Variants in BBOX1 observed in about 807,000 individuals in gnomAD.
The protein encoded by BBOX1 is gamma-butyrobetaine dioxygenase.
BBOX1 carries 35 observed loss-of-function variants against 41.6 expected under a neutral mutation model. That is an observed-to-expected ratio of 0.84 (90% CI 0.64 to 1.11). The LOEUF is 1.11. Among genes scored for constraint, BBOX1 ranks in the 50% most tolerant of loss-of-function variants. The pLI is 0.00. For synonymous variants in BBOX1, 163 were observed against 154.7 expected (o/e 1.05, Z -0.40); for missense variants, 458 against 460.6 (o/e 0.99, Z 0.05).
chr11:27,126,833 C>T lies in BBOX1; in HGVS notation c.1004-460C>T, dbSNP rs551879416. On this transcript the variant is annotated intron_variant, in intron 8 of 8. Transcript: ENST00000263182. ...TGGGACTACAGGCACTGCCACCACG[C>T]CTGGCTAATTTTTTCTATTTTTAGT... Among the ~76,000 whole-genome samples the T allele has an allele frequency of 4.0e-4, 61 of 152,072 alleles. No individual in the cohort carries two copies. The South Asian group carries it at 0.012, about 31-fold the overall frequency.
chr11:27,049,719 A>T lies in BBOX1; in HGVS notation c.-38-5674A>T, dbSNP rs561506522. Among the ~76,000 whole-genome samples, 5 of 152,314 alleles carry T rather than the reference A, an allele frequency of 3.3e-5. No individual in the cohort carries two copies. The East Asian group carries it at 9.6e-4, about 29-fold the overall frequency. ...TTAGCATACAGAATGATATAGGATG[A>T]TTGCTTCACTTACTTGATTAAAATA... is the stretch of plus-strand genomic sequence containing the variant. On this transcript the variant is annotated intron_variant, in intron 2 of 8. Transcript: ENST00000263182.
intron 7 of BBOX1, among the ~76,000 whole-genome samples, chr11:27,121,518 G>T (rs1050718765): frequency 3.9e-5 from 6 of 152,162 alleles, no homozygotes; most frequent in Non-Finnish European, 4.4e-5. Context: ...GCTAGCAATG[G>T]TGGTGCCTTG....
At chr11:27,103,331 C>T (rs898789949) in intron 5 of BBOX1, among the ~76,000 whole-genome samples, 1 of 152,196 alleles carries the variant, frequency 6.6e-6, no homozygotes, top group Middle Eastern at 3.4e-3. Flanking sequence ...TAGGGAACAG[C>T]TTTAAATTTT....
chr11:27,099,162 C>G (rs1175875026), intron 5 of BBOX1, among the ~76,000 whole-genome samples: 1 of 151,848 alleles, frequency 6.6e-6, no homozygotes, highest in African/African-American at 2.4e-5. Context: ...CTCAGAGTGA[C>G]TCTTCTTCCC....
chr11:27,057,134 A>T, intron 3 of BBOX1, 67 bp from the exon 4 acceptor site: 1 of 1,027,842 alleles, frequency 9.7e-7, no homozygotes, highest in Non-Finnish European at 1.4e-6. Flanking sequence ...CAGCATTCAA[A>T]AACAGAGCAA....
At chr11:27,097,968 C>T (rs1270901842) in intron 5 of BBOX1, among the ~76,000 whole-genome samples, 2 of 151,994 alleles carry the variant, frequency 1.3e-5, no homozygotes, top group Admixed American at 6.6e-5. Context: ...CTATGACATG[C>T]CATTCTTCCC....
chr11:27,094,501 T>C (rs2134046444), intron 5 of BBOX1, among the ~76,000 whole-genome samples: 1 of 152,118 alleles, frequency 6.6e-6, no homozygotes, highest in East Asian at 1.9e-4. Flanking sequence ...ACCTGACTTT[T>C]CTTGAAAAAT....
chr11:27,086,811 C>T (rs1024517132), intron 4 of BBOX1, among the ~76,000 whole-genome samples: 4 of 151,996 alleles, frequency 2.6e-5, no homozygotes, highest in East Asian at 1.9e-4. Flanking sequence ...CTATTATGAA[C>T]GTTTTTGATT....
rs368869799 is a variant in BBOX1, at chr11:27,073,096, G to T, written c.334+15781G>T. ...AATTAAACTAAAGAGCTTCTGCACA[G>T]CAAAAGAAACTACCATCAGAGTGAA... On this transcript the variant is annotated intron_variant, in intron 4 of 8. Coordinates refer to ENST00000263182, the MANE Select transcript of BBOX1 (RefSeq NM_003986.3). Among the ~76,000 whole-genome samples the T allele has an allele frequency of 2.2e-4, 33 of 152,222 alleles. No individual in the cohort carries two copies. The East Asian group carries it at 6.0e-3, about 28-fold the overall frequency.
At chr11:27,088,655 C>T (rs1407624838) in intron 4 of BBOX1, among the ~76,000 whole-genome samples, 2 of 151,924 alleles carry the variant, frequency 1.3e-5, no homozygotes, top group African/African-American at 4.8e-5. Flanking sequence ...TATTCAGACA[C>T]AGGACATAAA....
intron 5 of BBOX1, among the ~76,000 whole-genome samples, chr11:27,114,193 CA>C (rs1029216557): frequency 1.3e-5 from 2 of 151,828 alleles, no homozygotes; most frequent in East Asian, 1.9e-4. Context: ...AATTTAATCA[CA>C]GGGGTAAAAG....
chr11:27,114,292 T>A (rs541849787), intron 5 of BBOX1, among the ~76,000 whole-genome samples: 3 of 151,906 alleles, frequency 2.0e-5, no homozygotes, highest in African/African-American at 7.2e-5. Flanking sequence ...TATTCGTGGA[T>A]TGGAAGGCAT....
At chr11:27,079,157 G>A (rs1285562684) in intron 4 of BBOX1, among the ~76,000 whole-genome samples, 7 of 152,168 alleles carry the variant, frequency 4.6e-5, no homozygotes, top group Admixed American at 4.6e-4. Context: ...GCACATGAGA[G>A]TATCTCAAAG....
intron 2 of BBOX1, among the ~76,000 whole-genome samples, chr11:27,048,934 T>A (rs1167455684): frequency 7.6e-6 from 1 of 131,208 alleles, no homozygotes; most frequent in Non-Finnish European, 1.6e-5. Flanking sequence ...AGTGTGATGT[T>A]CCCCTTCCTG....
chr11:27,043,125 G>A (rs1455927128), intron 2 of BBOX1, among the ~76,000 whole-genome samples: 4 of 151,730 alleles, frequency 2.6e-5, no homozygotes, highest in East Asian at 1.9e-4. Context: ...GTGCAGTGGC[G>A]CGATCTCGGC....
chr11:27,064,683 T>A (rs1189089051), intron 4 of BBOX1, among the ~76,000 whole-genome samples: 1 of 152,102 alleles, frequency 6.6e-6, no homozygotes, highest in Non-Finnish European at 1.5e-5. Flanking sequence ...AGTCCTCAAA[T>A]CAATCTATCC....
chr11:27,115,556 G>A lies in BBOX1; in HGVS notation c.638G>A (p.Gly213Glu). ...TDYPALHHPP[G>E]VQLLHCIKQT... ...TATCCAGCCCTCCATCATCCACCTG[G>A]GGTAAGTGAGCTTCAACATATTTTC... Residue 213 changes from glycine to glutamate, a missense_variant and splice_region_variant, in exon 6 of 9, where the codon GGG (glycine) becomes GAG (glutamate). By Grantham distance (98) the Gly-to-Glu change is moderately conservative (BLOSUM62 -2). Transcript: ENST00000263182. The A allele has an allele frequency of 6.2e-7, 1 of 1,605,960 alleles. No homozygotes were observed. The highest frequency in any genetic ancestry group is 8.5e-7 in the Non-Finnish European group (1 of 1,174,964).
At chr11:27,094,191 A>G (rs1326785115) in intron 5 of BBOX1, among the ~76,000 whole-genome samples, 1 of 151,996 alleles carries the variant, frequency 6.6e-6, no homozygotes, top group East Asian at 1.9e-4. Context: ...TTGCATAAGA[A>G]TTTCCTGGGA....
chr11:27,092,424 C>T (rs1858280039), intron 4 of BBOX1, among the ~76,000 whole-genome samples: 1 of 151,958 alleles, frequency 6.6e-6, no homozygotes, highest in African/African-American at 2.4e-5. Context: ...ATTTGCATTT[C>T]CTCTGTGTTC....
Sources: allele counts gnomAD v4.1 joint callset (sites outside exome capture counted in the v4.1 genomes callset), GRCh38; gene constraint gnomAD v4.1.1; transcripts MANE v1.5; gene names NCBI Gene and HGNC (gene_info 2026-07-23, HGNC 2026-07-21).